FN1: variants seen among roughly 807,000 people sequenced by gnomAD.
FN1 encodes the protein fibronectin 1.
In FN1, 106 loss-of-function variants were observed where a neutral mutation model predicts 297.3. The ratio of observed to expected loss-of-function variants is 0.36; its 90% CI spans 0.30 to 0.42. The LOEUF (loss-of-function observed/expected upper bound fraction) is 0.42, where lower values mean the gene tolerates loss of function less well. FN1 is among the 10% of genes least tolerant of loss of function. FN1 has a pLI of 1.00. For synonymous variants in FN1, 1,149 were observed against 1,152.6 expected (o/e 1.00, Z 0.06); for missense variants, 2,690 against 3,124.9 (o/e 0.86, Z 3.32).
In FN1 at chr2:215,379,324, A is replaced by G. The variant is rs202045892; in HGVS notation, c.5435-7T>C. ...TCAGTTGGTGCAGGAATAGCTGTCG[A>G]GATTGTCATTGGTTAGAGGTTATCT... On this transcript the variant is annotated splice_polypyrimidine_tract_variant and splice_region_variant and intron_variant, in intron 33 of 45. Transcript: ENST00000354785. 7.8e-4 allele frequency: 1,253 copies of G among 1,613,708 alleles called. No homozygotes were observed. Among genetic ancestry groups the G allele is most frequent in the Non-Finnish European group, 9.5e-4 (1,126 of 1,179,694 alleles).
In FN1 at chr2:215,372,120, G is replaced by A. The variant is rs749306234; in HGVS notation, c.6503C>T (p.Pro2168Leu). ...TTGGATTTCCTCACCTACATTCGGC[G>A]GGTATGGTCTTGGCCTATGCCTTAT... Reference protein sequence around the residue: ...TPIRHRPRPYPPNVGEEIQIG... With the variant: ...TPIRHRPRPYLPNVGEEIQIG... Residue 2168 changes from proline (P) to leucine (L), a missense_variant, in exon 40 of 46, where the codon CCG (proline) becomes CTG (leucine). Pro to Leu is a moderately conservative substitution (Grantham distance 98, BLOSUM62 -3). Transcript: ENST00000354785. 38 of 1,614,082 alleles carry A rather than the reference G, an allele frequency of 2.4e-5. No homozygotes were observed. Among genetic ancestry groups the A allele is most frequent in the South Asian group, 1.2e-4 (11 of 91,088 alleles).
rs781267501 is a variant in FN1 at position 215,371,840 on chromosome 2, G to C, written c.6714+69C>G. On this transcript the variant is annotated intron_variant, in intron 40 of 45. Coordinates refer to ENST00000354785, the MANE Select transcript of FN1 (RefSeq NM_212482.4). Reference sequence around the variant, plus strand: ...GAAGCCACTTTTTATTCGAGGGCTGGTCACTTCAGTTACCTAACTTATTCC... The same window carrying C: ...GAAGCCACTTTTTATTCGAGGGCTGCTCACTTCAGTTACCTAACTTATTCC... 1.1e-4 allele frequency: 151 copies of C among 1,367,584 alleles called. 1 individual carries two copies. In the Middle Eastern group the frequency reaches 7.4e-3, roughly 67 times the overall value. The allele number at this position is 1,367,584 out of a possible 1,614,324, so 84.7% of individuals were successfully genotyped here. A position where few individuals can be genotyped will look rare whatever the true frequency, so the allele number is the denominator to read the frequency against.
In FN1 at chr2:215,404,248, T is replaced by C. The variant is rs1055427832; in HGVS notation, c.3253+141A>G. 53 of 865,510 alleles carry C rather than the reference T, an allele frequency of 6.1e-5. No homozygotes were observed. In the African/African-American group the frequency reaches 8.0e-4, roughly 13 times the overall value. 53.6% of individuals were successfully genotyped at this position (865,510 alleles called of 1,614,324 possible). ...AATTAACGGGCCAGCAGCCAGTCTA[T>C]GGAGCACATTTTTAGTATCACTGAT... On this transcript the variant is annotated intron_variant, in intron 20 of 45. Coordinates refer to ENST00000354785, the MANE Select transcript of FN1 (RefSeq NM_212482.4).
intron 38 of FN1, 148 bp downstream of exon 38, chr2:215,375,066 C>A: frequency 1.2e-6 from 1 of 812,188 alleles, no homozygotes; most frequent in South Asian, 1.5e-5. Context: ...GGCTCTACCA[C>A]TCCTACACAG....
chr2:215,408,364 C>G lies in FN1; in HGVS notation c.2362G>C (p.Val788Leu). ...PDLLPGRKYIVNVYQISEDGE... is the reference protein window; with the variant it reads ...PDLLPGRKYILNVYQISEDGE... ...TCCTCAGATATCTGATAGACATTTA[C>G]AATGTATTTTCGGCCAGGAAGCAGG... The change falls in exon 16 of 46, where the codon GTA (valine) becomes CTA (leucine). Residue 788 changes from valine to leucine, a missense_variant. Transcript: ENST00000354785. The G allele has an allele frequency of 6.2e-7, 1 of 1,613,834 alleles. No homozygotes were observed. Among genetic ancestry groups the G allele is most frequent in the Non-Finnish European group, 8.5e-7 (1 of 1,179,772 alleles).
chr2:215,425,588 T>C (rs1416261621), intron 6 of FN1, among the ~76,000 whole-genome samples: 1 of 152,158 alleles, frequency 6.6e-6, no homozygotes, highest in Non-Finnish European at 1.5e-5. Flanking sequence ...GGTCTCACTC[T>C]GTTGCCCAGG....
intron 10 of FN1, chr2:215,421,288 A>G (rs1001937046): frequency 1.3e-5 from 3 of 232,644 alleles, no homozygotes; most frequent in South Asian, 1.2e-4. Context: ...AACAGTATTC[A>G]CAACGCTAAA....
chr2:215,415,663 A>T (rs2063334886), intron 12 of FN1, among the ~76,000 whole-genome samples: 1 of 152,168 alleles, frequency 6.6e-6, no homozygotes, highest in Non-Finnish European at 1.5e-5. Context: ...GTCAACAGAA[A>T]TGACTTTATG....
intron 37 of FN1, 45 bp downstream of exon 37, chr2:215,375,584 T>C (rs1178346195): frequency 1.4e-6 from 2 of 1,389,838 alleles, no homozygotes; most frequent in Non-Finnish European, 2.0e-6. Flanking sequence ...ATGAAACTGA[T>C]TGCATACAAG....
chr2:215,433,616 T>A (rs528448725), intron 2 of FN1, among the ~76,000 whole-genome samples, 155 bp from the exon 3 acceptor site: 1 of 152,360 alleles, frequency 6.6e-6, no homozygotes, highest in Non-Finnish European at 1.5e-5. Flanking sequence ...ATTTTTATCC[T>A]AAGCTCTAAT....
chr2:215,422,401 G>A (rs544378992), intron 9 of FN1, among the ~76,000 whole-genome samples, 158 bp from the exon 10 acceptor site: 35 of 152,162 alleles, frequency 2.3e-4, no homozygotes, highest in Admixed American at 6.5e-4. Flanking sequence ...TCAGGTGAAG[G>A]GGTAGAATTT....
chr2:215,397,278 G>A lies in FN1; in HGVS notation c.3518-55C>T. 5 of 1,287,950 alleles carry A rather than the reference G, an allele frequency of 3.9e-6. No individual in the cohort carries two copies. The South Asian group carries it at 4.7e-5, about 12-fold the overall frequency. 79.8% of individuals were successfully genotyped at this position (1,287,950 alleles called of 1,614,324 possible). On this transcript the variant is annotated intron_variant, in intron 22 of 45. Coordinates refer to ENST00000354785, the MANE Select transcript of FN1 (RefSeq NM_212482.4). ...AGCTGACACAAAGCTCTTGACCTGTGTAATCTTTCCTCCTTCCCTACCTCC... is the reference window on the plus strand; with the variant it reads ...AGCTGACACAAAGCTCTTGACCTGTATAATCTTTCCTCCTTCCCTACCTCC...
intron 12 of FN1, among the ~76,000 whole-genome samples, chr2:215,416,067 A>G (rs551837052): frequency 6.6e-6 from 1 of 152,272 alleles, no homozygotes; most frequent in African/African-American, 2.4e-5. Context: ...AGGAAAAAAA[A>G]TACATTGATT....
At position 215,424,308 on chromosome 2, in the gene FN1, C is replaced by G. The variant is rs13306372; in HGVS notation, c.1054G>C (p.Gly352Arg). 2 of 1,613,820 alleles carry G rather than the reference C, an allele frequency of 1.2e-6. No homozygotes were observed. Among genetic ancestry groups the G allele is most frequent in the South Asian group, 2.2e-5 (2 of 91,076 alleles). The stretch of plus-strand genomic sequence containing the variant: ...CATGGCTCTCCATTTGAGTTGCCAC[C>G]GTAAGTCTGGGTTACAGCTACAATC... ...CQETAVTQTY[G>R]GNSNGEPCVL... Residue 352 changes from glycine (G) to arginine (R), a missense_variant, in exon 8 of 46, where the codon GGT becomes CGT. Physicochemically the swap from Gly to Arg is moderately radical, Grantham distance 125. This residue lies in a region of FN1 where 876 missense variants were observed against 1,058.1 expected (regional missense o/e 0.83). Transcript: ENST00000354785.
chr2:215,430,632 G>A, intron 5 of FN1, 83 bp downstream of exon 5: 1 of 1,510,542 alleles, frequency 6.6e-7, no homozygotes, highest in Admixed American at 1.7e-5. Context: ...GATGTGTTCT[G>A]AGTAACATAG....
intron 40 of FN1, among the ~76,000 whole-genome samples, chr2:215,370,673 C>T (rs1055040684): frequency 5.3e-5 from 8 of 152,040 alleles, no homozygotes; most frequent in Non-Finnish European, 7.4e-5. Context: ...CTACGTGCTC[C>T]GTAGTTAACA....
intron 32 of FN1, 178 bp from the exon 33 acceptor site, chr2:215,381,258 G>A (rs567559793): frequency 3.0e-6 from 2 of 661,892 alleles, no homozygotes; most frequent in African/African-American, 1.8e-5. Context: ...TAGAAAATAT[G>A]CAATGTTGCA....
chr2:215,362,111 GT>G, intron 44 of FN1, 32 bp from the exon 45 acceptor site: 1 of 1,513,334 alleles, frequency 6.6e-7, no homozygotes, highest in Non-Finnish European at 9.2e-7. Flanking sequence ...GTCAAATGGG[GT>G]TTATGATAAC....
chr2:215,410,230 C>T, intron 13 of FN1, 116 bp from the exon 14 acceptor site: 1 of 1,032,178 alleles, frequency 9.7e-7, no homozygotes, highest in South Asian at 1.4e-5. Flanking sequence ...ACTTAGGCAG[C>T]TCCATTCTAG....
Sources: gnomAD v4.1 joint callset for allele counts (sites outside exome capture counted in the v4.1 genomes callset) on GRCh38, gnomAD v4.1.1 for gene constraint, gnomAD v4.1.1 regional missense constraint, MANE v1.5 for transcripts, NCBI Gene and HGNC (gene_info 2026-07-23, HGNC 2026-07-21) for gene names.